The following PDE3B variants were observed in gnomAD, a reference collection of about 807,000 sequenced individuals.
PDE3B encodes cGMP-inhibited 3',5'-cyclic phosphodiesterase 3B.
In PDE3B, 66 loss-of-function variants were observed where a neutral mutation model predicts 116.8. That is an observed-to-expected ratio of 0.56 (90% CI 0.46 to 0.69). The LOEUF (loss-of-function observed/expected upper bound fraction) is 0.69. Among genes scored for constraint, PDE3B ranks in the 30% least tolerant of loss-of-function variants. The pLI is 0.00. For synonymous variants in PDE3B, 595 were observed against 533.6 expected, an observed-to-expected ratio of 1.12 and a Z score of -1.59; for missense variants, 1,384 against 1,368.1, an observed-to-expected ratio of 1.01 and a Z score of -0.18.
intron 5 of PDE3B, among the ~76,000 whole-genome samples, chr11:14,807,246 T>TA (rs1294425683): frequency 1.3e-5 from 2 of 152,106 alleles, no homozygotes; most frequent in Non-Finnish European, 2.9e-5. Flanking sequence ...CCCTAGAACT[T>TA]AAAGTATAAT....
the PDE3B span, chr11:14,880,370 A>AT: frequency 6.2e-7 from 1 of 1,613,420 alleles, no homozygotes; most frequent in Non-Finnish European, 8.5e-7. Context: ...CTGGAGAGAA[A>AT]ATCATAGACT....
chr11:14,756,712 G>T lies in PDE3B; in HGVS notation c.979-15225G>T, dbSNP rs369043258. On this transcript the variant is annotated intron_variant, in intron 1 of 15. Transcript: ENST00000282096. Reference sequence around the variant, plus strand: ...GAGCAGGATTACTTGTATGGTAATAGCACATGGTAACATATTCTAAGTGCA... The same window carrying T: ...GAGCAGGATTACTTGTATGGTAATATCACATGGTAACATATTCTAAGTGCA... Among the ~76,000 whole-genome samples, 6 of 152,186 alleles carry T rather than the reference G, an allele frequency of 3.9e-5. No homozygotes were observed. In the South Asian group the frequency reaches 6.2e-4, roughly 16 times the overall value.
intron 1 of PDE3B, among the ~76,000 whole-genome samples, chr11:14,742,540 A>G (rs1440035031): frequency 1.3e-5 from 2 of 152,126 alleles, no homozygotes; most frequent in African/African-American, 4.8e-5. Context: ...ATGCTCCTTT[A>G]GCTCAGAATC....
At chr11:14,851,085 A>G (rs916130238) in intron 12 of PDE3B, among the ~76,000 whole-genome samples, 2 of 151,240 alleles carry the variant, frequency 1.3e-5, no homozygotes, top group African/African-American at 2.4e-5. Flanking sequence ...GGCCTCCCAA[A>G]GTGCTGGGAT....
chr11:14,771,469 A>G (rs976115681), intron 1 of PDE3B, among the ~76,000 whole-genome samples: 2 of 151,764 alleles, frequency 1.3e-5, no homozygotes, highest in African/African-American at 2.4e-5. Context: ...GCTGCTTTTG[A>G]TAAGTCTATT....
chr11:14,803,521 C>T (rs1299433310), intron 4 of PDE3B, among the ~76,000 whole-genome samples: 1 of 152,160 alleles, frequency 6.6e-6, no homozygotes, highest in Non-Finnish European at 1.5e-5. Context: ...GAATCAGAAA[C>T]CTTGGGGACG....
At chr11:14,846,580 G>A (rs1419898380) in intron 12 of PDE3B, among the ~76,000 whole-genome samples, 2 of 152,112 alleles carry the variant, frequency 1.3e-5, no homozygotes, top group Admixed American at 6.5e-5. Flanking sequence ...TCAGTGTGCT[G>A]TATTCAGGAA....
At chr11:14,676,542 A>G (rs1194346982) in intron 1 of PDE3B, among the ~76,000 whole-genome samples, 1 of 152,172 alleles carries the variant, frequency 6.6e-6, no homozygotes, top group African/African-American at 2.4e-5. Context: ...GCATTTGGTA[A>G]GTCAGTGAGT....
intron 12 of PDE3B, among the ~76,000 whole-genome samples, chr11:14,848,875 G>T (rs1847674033): frequency 6.6e-6 from 1 of 152,184 alleles, no homozygotes; most frequent in Admixed American, 6.5e-5. Flanking sequence ...CCATGCTCAT[G>T]GGTAGGAAGA....
At chr11:14,860,288 T>C (rs1215201701) in intron 13 of PDE3B, among the ~76,000 whole-genome samples, 1 of 152,150 alleles carries the variant, frequency 6.6e-6, no homozygotes, top group Non-Finnish European at 1.5e-5. Flanking sequence ...AAAAATGCCA[T>C]ATGAATGGGG....
At chr11:14,745,891 C>A (rs1231886241) in intron 1 of PDE3B, among the ~76,000 whole-genome samples, 1 of 152,158 alleles carries the variant, frequency 6.6e-6, no homozygotes, top group African/African-American at 2.4e-5. Context: ...GATAGTTATT[C>A]CACATCCCCA....
the PDE3B span, among the ~76,000 whole-genome samples, chr11:14,893,339 G>C: frequency 9.2e-5 from 14 of 152,338 alleles, no homozygotes; most frequent in South Asian, 8.3e-4. Context: ...GGCAAGGGCT[G>C]TCAAGGAAAG....
intron 1 of PDE3B, among the ~76,000 whole-genome samples, chr11:14,709,747 T>TA (rs1855644936): frequency 6.6e-6 from 1 of 152,198 alleles, no homozygotes; most frequent in Non-Finnish European, 1.5e-5. Flanking sequence ...CCTTTACTCT[T>TA]ATACGTTTTT....
At chr11:14,718,422 T>C (rs1487652366) in intron 1 of PDE3B, among the ~76,000 whole-genome samples, 2 of 146,368 alleles carry the variant, frequency 1.4e-5, no homozygotes, top group African/African-American at 2.6e-5. Flanking sequence ...CAAGTGGACC[T>C]AATAGACATC....
chr11:14,666,450 A>G (rs1311012478), intron 1 of PDE3B, among the ~76,000 whole-genome samples: 2 of 150,762 alleles, frequency 1.3e-5, no homozygotes, highest in Non-Finnish European at 3.0e-5. Flanking sequence ...AATTAAACTC[A>G]AGAGCTTCTG....
chr11:14,880,390 T>G, the PDE3B span: 1 of 1,613,416 alleles, frequency 6.2e-7, no homozygotes, highest in Non-Finnish European at 8.5e-7. Context: ...TACAGCTGCA[T>G]TTCTAAACAG....
intron 1 of PDE3B, among the ~76,000 whole-genome samples, chr11:14,662,232 C>A (rs984335527): frequency 6.6e-5 from 10 of 152,178 alleles, no homozygotes; most frequent in African/African-American, 2.4e-4. Context: ...CTCCAACAGA[C>A]CTGCAGCTGA....
chr11:14,737,686 A>G (rs1444162860), intron 1 of PDE3B, among the ~76,000 whole-genome samples: 1 of 152,126 alleles, frequency 6.6e-6, no homozygotes, highest in African/African-American at 2.4e-5. Context: ...TTACATATGT[A>G]TACATGTGCC....
chr11:14,760,073 A>G (rs1857313017), intron 1 of PDE3B, among the ~76,000 whole-genome samples: 1 of 152,092 alleles, frequency 6.6e-6, no homozygotes, highest in African/African-American at 2.4e-5. Context: ...TGTTAAAGTT[A>G]TAGATTTTGT....
Sources: allele counts gnomAD v4.1 joint callset (sites outside exome capture counted in the v4.1 genomes callset), GRCh38; gene constraint gnomAD v4.1.1; transcripts MANE v1.5; gene names NCBI Gene and HGNC (gene_info 2026-07-23, HGNC 2026-07-21).